PDSS2: variants seen among roughly 807,000 people sequenced by gnomAD.
The protein encoded by PDSS2 is all trans-polyprenyl-diphosphate synthase PDSS2.
In PDSS2, 31 loss-of-function variants were observed where a neutral mutation model predicts 44.5. The observed-to-expected ratio is 0.70, with a 90% confidence interval of 0.52 to 0.94. The LOEUF is 0.94. PDSS2 is among the 40% of genes least tolerant of loss of function. PDSS2 has a pLI of 0.00. For synonymous variants in PDSS2, 157 were observed against 180.3 expected, an observed-to-expected ratio of 0.87 and a Z score of 1.03; for missense variants, 452 against 482.2, an observed-to-expected ratio of 0.94 and a Z score of 0.59.
At chr6:107,325,764 G>A (rs567754237) in intron 2 of PDSS2, among the ~76,000 whole-genome samples, 2 of 152,076 alleles carry the variant, frequency 1.3e-5, no homozygotes, top group South Asian at 2.1e-4. Context: ...TCTTCTTCCC[G>A]ATTTATAAGA....
intron 4 of PDSS2, among the ~76,000 whole-genome samples, chr6:107,241,344 C>CTT (rs58623641): frequency 3.2e-4 from 25 of 77,984 alleles, no homozygotes; most frequent in East Asian, 4.5e-4. Context: ...TCTTCTTCTT[C>CTT]TTTTTTTTTT....
chr6:107,188,418 C>T (rs1371953005), intron 7 of PDSS2, among the ~76,000 whole-genome samples: 1 of 151,656 alleles, frequency 6.6e-6, no homozygotes, highest in African/African-American at 2.4e-5. Flanking sequence ...AAATAAATGT[C>T]GGTTGGGTGA....
chr6:107,401,321 A>C (rs1780099101), intron 1 of PDSS2, among the ~76,000 whole-genome samples: 1 of 152,210 alleles, frequency 6.6e-6, no homozygotes, highest in Non-Finnish European at 1.5e-5. Context: ...TTTTATAACC[A>C]AGGAAATTAT....
chr6:107,343,923 A>G lies in PDSS2; in HGVS notation c.297-9591T>C, dbSNP rs1389851391. ...CAAATTTCTTGATTAAGGGTGACCTATTTCTTAAGTTGCACACAAGAGCAC... is the reference window on the plus strand; with the variant it reads ...CAAATTTCTTGATTAAGGGTGACCTGTTTCTTAAGTTGCACACAAGAGCAC... On this transcript the variant is annotated intron_variant, in intron 1 of 7. Coordinates refer to ENST00000369037, the MANE Select transcript of PDSS2 (RefSeq NM_020381.4). Among the ~76,000 whole-genome samples, 7 of 152,362 alleles carry G rather than the reference A, an allele frequency of 4.6e-5. No individual in the cohort carries two copies. The South Asian group carries it at 6.2e-4, about 14-fold the overall frequency.
chr6:107,442,230 A>G (rs1001627274), intron 1 of PDSS2, among the ~76,000 whole-genome samples: 1 of 152,188 alleles, frequency 6.6e-6, no homozygotes, highest in Non-Finnish European at 1.5e-5. Flanking sequence ...CAGCCTGACC[A>G]ACATGGTAAA....
At chr6:107,300,253 C>T (rs1365179737) in intron 2 of PDSS2, among the ~76,000 whole-genome samples, 1 of 152,148 alleles carries the variant, frequency 6.6e-6, no homozygotes, top group Non-Finnish European at 1.5e-5. Context: ...GACCCCTGGA[C>T]CAGCCTGCTA....
intron 7 of PDSS2, among the ~76,000 whole-genome samples, chr6:107,158,037 A>G (rs568645349): frequency 2.0e-5 from 3 of 152,270 alleles, no homozygotes; most frequent in African/African-American, 7.2e-5. Context: ...TCCTTACTGT[A>G]TAATGCATGA....
intron 1 of PDSS2, among the ~76,000 whole-genome samples, chr6:107,367,306 C>T (rs1178858769): frequency 6.6e-6 from 1 of 152,106 alleles, no homozygotes; most frequent in Non-Finnish European, 1.5e-5. Flanking sequence ...CACCTATTCA[C>T]AATAAAAACT....
intron 7 of PDSS2, among the ~76,000 whole-genome samples, chr6:107,172,993 G>A (rs1043212868): frequency 3.2e-4 from 48 of 151,730 alleles, no homozygotes; most frequent in Admixed American, 8.5e-4. Flanking sequence ...GTGTGGTGGC[G>A]TGCACCTGTT....
At chr6:107,398,002 A>G in intron 1 of PDSS2, among the ~76,000 whole-genome samples, 1 of 152,234 alleles carries the variant, frequency 6.6e-6, no homozygotes, top group Non-Finnish European at 1.5e-5. Flanking sequence ...AATACAAAAC[A>G]GAATAACACA....
intron 2 of PDSS2, among the ~76,000 whole-genome samples, chr6:107,298,927 A>G (rs947083956): frequency 6.6e-6 from 1 of 152,138 alleles, no homozygotes; most frequent in Admixed American, 6.5e-5. Flanking sequence ...GAATCGCCTG[A>G]GCTCAGGAGT....
rs149785211 is a variant in PDSS2 at position 107,176,435 on chromosome 6, C to T, written c.1041+17387G>A. 2.1e-3 allele frequency among the ~76,000 whole-genome samples: 43 copies of T among 20,494 alleles called. 1 individual carries two copies. The South Asian group carries it at 0.042, about 20-fold the overall frequency. 13.4% of individuals were successfully genotyped at this position (20,494 alleles called of 152,430 possible). A position where few individuals can be genotyped will look rare whatever the true frequency, so the allele number is the denominator to read the frequency against. ...CTTAACACACACACACACATACACA[C>T]ACACACACACACACACACACACAAA... is the stretch of plus-strand genomic sequence containing the variant. On this transcript the variant is annotated intron_variant, in intron 7 of 7. Transcript: ENST00000369037.
chr6:107,204,417 A>T (rs1179592081), intron 6 of PDSS2, among the ~76,000 whole-genome samples: 2 of 152,158 alleles, frequency 1.3e-5, no homozygotes, highest in African/African-American at 4.8e-5. Context: ...TGCTGATCTG[A>T]ACATTCATGT....
intron 6 of PDSS2, among the ~76,000 whole-genome samples, chr6:107,200,809 G>C (rs1417520241): frequency 6.6e-6 from 1 of 151,984 alleles, no homozygotes; most frequent in Non-Finnish European, 1.5e-5. Context: ...TGGGATTATA[G>C]GTGCCCACCA....
intron 1 of PDSS2, among the ~76,000 whole-genome samples, chr6:107,411,742 T>C (rs1032089414): frequency 6.6e-6 from 1 of 152,178 alleles, no homozygotes; most frequent in Non-Finnish European, 1.5e-5. Flanking sequence ...CACAGGAGGA[T>C]GTGCAAAGGT....
chr6:107,188,287 G>C (rs915694501), intron 7 of PDSS2, among the ~76,000 whole-genome samples: 3 of 152,022 alleles, frequency 2.0e-5, no homozygotes, highest in Non-Finnish European at 2.9e-5. Context: ...GCTGAGGCTG[G>C]AGAATCACTT....
intron 1 of PDSS2, among the ~76,000 whole-genome samples, chr6:107,410,216 AT>A (rs1780446071): frequency 1.3e-5 from 2 of 152,168 alleles, no homozygotes; most frequent in African/African-American, 4.8e-5. Context: ...AATTATCAGA[AT>A]TATGGGCATT....
intron 1 of PDSS2, among the ~76,000 whole-genome samples, chr6:107,417,226 T>C (rs533803433): frequency 6.6e-6 from 1 of 152,242 alleles, no homozygotes; most frequent in East Asian, 1.9e-4. Flanking sequence ...AGAAACATAA[T>C]GTTCAAATAA....
intron 1 of PDSS2, among the ~76,000 whole-genome samples, chr6:107,342,042 A>G (rs1051540570): frequency 5.3e-5 from 8 of 152,144 alleles, no homozygotes; most frequent in African/African-American, 1.9e-4. Flanking sequence ...TTGGACTCCA[A>G]TGCCCGGGCT....
Sources: gnomAD v4.1 joint callset for allele counts (sites outside exome capture counted in the v4.1 genomes callset) on GRCh38, gnomAD v4.1.1 for gene constraint, MANE v1.5 for transcripts, NCBI Gene and HGNC (gene_info 2026-07-23, HGNC 2026-07-21) for gene names.